Variants in BICD1 observed in about 807,000 individuals in gnomAD.
BICD1 encodes protein bicaudal D homolog 1.
BICD1 carries 35 observed loss-of-function variants against 92.5 expected under a neutral mutation model. The observed-to-expected ratio is 0.38, with a 90% CI of 0.29 to 0.50. The LOEUF (loss-of-function observed/expected upper bound fraction) is 0.50. Among genes scored for constraint, BICD1 ranks in the 20% least tolerant of loss-of-function variants. The probability of loss-of-function intolerance (pLI) is 0.93; values close to 1 mark genes in which losing one functional copy is unlikely to be tolerated. For synonymous variants in BICD1, 429 were observed against 465.1 expected, an observed-to-expected ratio of 0.92 and a Z score of 1.00; for missense variants, 950 against 1,189.8, an observed-to-expected ratio of 0.80 and a Z score of 2.97.
chr12:32,285,818 C>G (rs1167105625), intron 2 of BICD1, among the ~76,000 whole-genome samples: 1 of 152,056 alleles, frequency 6.6e-6, no homozygotes, highest in Non-Finnish European at 1.5e-5. Flanking sequence ...TTTAGCAGAG[C>G]TCAGCGCCAT....
At chr12:32,356,427 G>A (rs1939108841) in intron 8 of BICD1, among the ~76,000 whole-genome samples, 8 of 152,092 alleles carry the variant, frequency 5.3e-5, no homozygotes, top group Admixed American at 5.2e-4. Flanking sequence ...TGAGGCGAGC[G>A]GATCGTTTGA....
chr12:32,362,301 A>G (rs1315815397), intron 8 of BICD1, among the ~76,000 whole-genome samples: 4 of 152,342 alleles, frequency 2.6e-5, no homozygotes, highest in Non-Finnish European at 4.4e-5. Flanking sequence ...CGGAGGTTGC[A>G]GTGAGCTGAG....
chr12:32,339,966 G>C, intron 8 of BICD1: 1 of 822,764 alleles, frequency 1.2e-6, no homozygotes, highest in Non-Finnish European at 1.5e-6. Flanking sequence ...GCTGCTGTTA[G>C]GGCAAGCTTC....
At chr12:32,273,391 A>G (rs1235213321) in intron 2 of BICD1, among the ~76,000 whole-genome samples, 1 of 152,202 alleles carries the variant, frequency 6.6e-6, no homozygotes, top group Non-Finnish European at 1.5e-5. Flanking sequence ...GGAGAAAGCA[A>G]GTACCAGCAG....
chr12:32,147,543 T>G (rs1305612568), intron 1 of BICD1, among the ~76,000 whole-genome samples: 2 of 152,254 alleles, frequency 1.3e-5, no homozygotes, highest in Non-Finnish European at 2.9e-5. Context: ...AAATCATTCA[T>G]TATTTACCTC....
At chr12:32,311,964 G>T (rs1042842003) in intron 4 of BICD1, among the ~76,000 whole-genome samples, 1 of 152,194 alleles carries the variant, frequency 6.6e-6, no homozygotes, top group South Asian at 2.1e-4. Context: ...GATATACAGG[G>T]TTAAATAAAA....
At chr12:32,282,541 C>T (rs754897603) in intron 2 of BICD1, among the ~76,000 whole-genome samples, 1 of 152,002 alleles carries the variant, frequency 6.6e-6, no homozygotes, top group African/African-American at 2.4e-5. Context: ...CAGGGCAAGT[C>T]GCATAGGGTT....
At chr12:32,241,390 T>G (rs1356959101) in intron 2 of BICD1, among the ~76,000 whole-genome samples, 1 of 152,198 alleles carries the variant, frequency 6.6e-6, no homozygotes, top group Non-Finnish European at 1.5e-5. Context: ...TCTCTCCCCA[T>G]GGACTGCACC....
intron 2 of BICD1, among the ~76,000 whole-genome samples, chr12:32,269,458 TAATTCTCC>T (rs1947080969): frequency 1.3e-5 from 2 of 152,244 alleles, no homozygotes; most frequent in Admixed American, 1.3e-4. Context: ...ACTTTAACAG[TAATTCTCC>T]ATATGCAAAA....
intron 9 of BICD1, among the ~76,000 whole-genome samples, chr12:32,374,739 T>A: frequency 7.8e-6 from 1 of 128,740 alleles, no homozygotes; most frequent in Non-Finnish European, 1.6e-5. Flanking sequence ...GGCTAATTTT[T>A]TTTTTTTTTT....
intron 1 of BICD1, among the ~76,000 whole-genome samples, chr12:32,159,822 A>T (rs991654749): frequency 1.3e-5 from 2 of 152,064 alleles, no homozygotes; most frequent in African/African-American, 4.8e-5. Context: ...CCCTTCCTGG[A>T]GAGGAAAGAA....
At chr12:32,120,495 T>G (rs1422331949) in intron 1 of BICD1, among the ~76,000 whole-genome samples, 1 of 152,222 alleles carries the variant, frequency 6.6e-6, no homozygotes, top group Non-Finnish European at 1.5e-5. Context: ...TGCAGAGTAA[T>G]GTGGAATCAA....
chr12:32,332,757 G>A, intron 5 of BICD1: 2 of 670,660 alleles, frequency 3.0e-6, no homozygotes, highest in Non-Finnish European at 3.7e-6. Flanking sequence ...CAGAGGAGGA[G>A]GAAGTAATTC....
intron 1 of BICD1, among the ~76,000 whole-genome samples, chr12:32,117,717 C>T (rs796373901): frequency 0.14 from 16,455 of 118,818 alleles, 1,283 homozygotes; most frequent in Admixed American, 0.3. Flanking sequence ...TATATACACA[C>T]ACACACACAC....
intron 1 of BICD1, among the ~76,000 whole-genome samples, chr12:32,170,883 C>A (rs143955319): frequency 6.8e-4 from 103 of 152,296 alleles, no homozygotes; most frequent in African/African-American, 2.4e-3. Context: ...GCCCCCACAC[C>A]AGCATGTCAC....
At chr12:32,296,759 T>C (rs945484794) in intron 3 of BICD1, among the ~76,000 whole-genome samples, 10 of 152,292 alleles carry the variant, frequency 6.6e-5, no homozygotes, top group Admixed American at 6.5e-4. Flanking sequence ...TGGAGACTGA[T>C]GGACTCAGGA....
chr12:32,211,098 A>C (rs1310989395), intron 1 of BICD1, among the ~76,000 whole-genome samples: 5 of 152,194 alleles, frequency 3.3e-5, no homozygotes, highest in Non-Finnish European at 7.3e-5. Context: ...TCCCTTTCTT[A>C]AAAGCAGCCA....
rs190361346 is a variant in BICD1, at chr12:32,221,405, C to T, written c.426+4946C>T. 7.3e-3 allele frequency among the ~76,000 whole-genome samples: 1,108 copies of T among 151,174 alleles called. 11 individuals carry two copies. The highest frequency in any genetic ancestry group is 0.025 in the African/African-American group (1,036 of 41,264). ...AATAAATAAAAATAATTTTATAGGCCGGGCATGGTGGCTCATGCCTGTAAT... is the reference window on the plus strand; with the variant it reads ...AATAAATAAAAATAATTTTATAGGCTGGGCATGGTGGCTCATGCCTGTAAT... On this transcript the variant is annotated intron_variant, in intron 2 of 9. Transcript: ENST00000652176.
At chr12:32,118,419 G>T (rs1361388803) in intron 1 of BICD1, among the ~76,000 whole-genome samples, 1 of 152,052 alleles carries the variant, frequency 6.6e-6, no homozygotes, top group East Asian at 1.9e-4. Flanking sequence ...CAACTAGTCA[G>T]GCCCCAGAAT....
Sources: gnomAD v4.1 joint callset for allele counts (sites outside exome capture counted in the v4.1 genomes callset) on GRCh38, gnomAD v4.1.1 for gene constraint, MANE v1.5 for transcripts, NCBI Gene and HGNC (gene_info 2026-07-23, HGNC 2026-07-21) for gene names.